SNX8: variants seen among roughly 807,000 people sequenced by gnomAD.
SNX8 encodes sorting nexin 8.
Under a neutral mutation model 51.6 loss-of-function variants are expected in SNX8, and 25 were observed. The observed-to-expected ratio is 0.48, with a 90% CI of 0.35 to 0.68. SNX8 has a LOEUF of 0.68. Among genes scored for constraint, SNX8 ranks in the 30% least tolerant of loss-of-function variants. The probability of loss-of-function intolerance (pLI) is 0.00; values close to 1 mark genes in which losing one functional copy is unlikely to be tolerated. For missense variants in SNX8, 695 were observed against 624.0 expected, an observed-to-expected ratio of 1.11 and a Z score of -1.21; for synonymous variants, 324 against 277.0, an observed-to-expected ratio of 1.17 and a Z score of -1.68.
At chr7:2,346,583 T>C (rs1022760061) in intron 1 of SNX8, among the ~76,000 whole-genome samples, 1 of 150,388 alleles carries the variant, frequency 6.6e-6, no homozygotes, top group African/African-American at 2.4e-5. Flanking sequence ...CCGTCTCTAC[T>C]AAAATACAAA....
At chr7:2,350,923 C>T (rs114815129) in intron 1 of SNX8, among the ~76,000 whole-genome samples, 5,518 of 152,154 alleles carry the variant, frequency 0.036, 334 homozygotes, top group African/African-American at 0.13. Flanking sequence ...CTGGGATTAC[C>T]GGTGGGAGCC....
chr7:2,263,238 C>A lies in SNX8; in HGVS notation c.907G>T (p.Ala303Ser). 1 of 1,613,856 alleles carries A rather than the reference C, an allele frequency of 6.2e-7. No homozygotes were observed. The highest frequency in any genetic ancestry group is 8.5e-7 in the Non-Finnish European group (1 of 1,179,978). The change falls in exon 7 of 11, where the codon GCA (alanine) becomes TCA (serine). Residue 303 changes from alanine (A) to serine (S), a missense_variant. By Grantham distance (99) the Ala-to-Ser change is moderately conservative. Transcript: ENST00000222990. ...AGAACCGATCCACTCACCTGTTGTG[C>A]AGCCTTGTCGGCGAGCAGCGCGAAT... is the stretch of plus-strand genomic sequence containing the variant. ...VEFALLADKA[A>S]QQGKQEENDV...
At chr7:2,318,157 C>A (rs1221175490), upstream of SNX8, among the ~76,000 whole-genome samples, 1 of 152,110 alleles carries the variant, frequency 6.6e-6, no homozygotes, top group Non-Finnish European at 1.5e-5. Flanking sequence ...TCAGTCCTCC[C>A]ACCTCAGCCT....
chr7:2,255,779 C>T (rs1006751072), intron 10 of SNX8, among the ~76,000 whole-genome samples: 4 of 152,218 alleles, frequency 2.6e-5, no homozygotes, highest in African/African-American at 9.6e-5. Flanking sequence ...GGAATGCAAA[C>T]GGCGGCCCCA....
intron 5 of SNX8, among the ~76,000 whole-genome samples, chr7:2,267,893 A>G (rs1795512094): frequency 1.0e-5 from 1 of 99,652 alleles, no homozygotes; most frequent in Non-Finnish European, 2.0e-5. Context: ...CCGCCATCAC[A>G]TCTAGGAAGT....
intron 1 of SNX8, among the ~76,000 whole-genome samples, chr7:2,282,102 G>T (rs1254800562): frequency 6.6e-6 from 1 of 152,202 alleles, no homozygotes; most frequent in African/African-American, 2.4e-5. Context: ...CAGTGAGGTG[G>T]GAGAGCTGAA....
chr7:2,271,897 A>T lies in SNX8; in HGVS notation c.493T>A (p.Phe165Ile). 1 of 1,613,824 alleles carries T rather than the reference A, an allele frequency of 6.2e-7. No individual in the cohort carries two copies. The highest frequency in any genetic ancestry group is 8.5e-7 in the Non-Finnish European group (1 of 1,179,932). Residue 165 changes from phenylalanine (F) to isoleucine (I), a missense_variant, in exon 4 of 11, where the codon TTC becomes ATC. Phe to Ile is a conservative substitution (Grantham distance 21). Coordinates refer to ENST00000222990, the MANE Select transcript of SNX8 (RefSeq NM_013321.4). Reference sequence around the variant, plus strand: ...AGCTTGAGGACCACATCCTCGGAGAACAGGGGGTGTCGCGCCACCAGGTTG... The same window carrying T: ...AGCTTGAGGACCACATCCTCGGAGATCAGGGGGTGTCGCGCCACCAGGTTG... ...FVNLVARHPL[F>I]SEDVVLKLFL... is the part of the protein sequence containing the mutation.
intron 5 of SNX8, among the ~76,000 whole-genome samples, chr7:2,266,441 G>A (rs1264345952): frequency 1.3e-5 from 2 of 152,110 alleles, no homozygotes; most frequent in South Asian, 2.1e-4. Context: ...CTTCCTCCTA[G>A]GTTCAAGCAA....
At chr7:2,314,524 TC>T (rs1428725473), upstream of SNX8, 18 of 977,986 alleles carry the variant, frequency 1.8e-5, no homozygotes, top group East Asian at 1.2e-4. Flanking sequence ...TCACGCCCCC[TC>T]CCCCGCGCGC....
At chr7:2,307,495 G>A (rs572418407) in intron 1 of SNX8, among the ~76,000 whole-genome samples, 10 of 151,992 alleles carry the variant, frequency 6.6e-5, no homozygotes, top group East Asian at 5.8e-4. Flanking sequence ...AGCCAGGTGC[G>A]GTGGTGGACA....
upstream of SNX8, among the ~76,000 whole-genome samples, chr7:2,316,138 CGCAA>C (rs1796752384): frequency 3.4e-5 from 5 of 146,156 alleles, no homozygotes; most frequent in South Asian, 2.3e-4. Context: ...CTTTCATTCA[CGCAA>C]CCACTCACTC....
chr7:2,346,700 T>G (rs554321627), intron 1 of SNX8, among the ~76,000 whole-genome samples: 2 of 130,440 alleles, frequency 1.5e-5, no homozygotes, highest in Admixed American at 1.9e-4. Context: ...GAGCTGAGAT[T>G]GCGCCACTGC....
At chr7:2,336,848 A>C (rs1778839350) in intron 1 of SNX8, among the ~76,000 whole-genome samples, 1 of 151,524 alleles carries the variant, frequency 6.6e-6, no homozygotes, top group Non-Finnish European at 1.5e-5. Context: ...CTCTACTAAA[A>C]AAACAAAAAA....
intron 1 of SNX8, among the ~76,000 whole-genome samples, chr7:2,324,350 G>A (rs1346759890): frequency 2.0e-5 from 3 of 150,728 alleles, no homozygotes; most frequent in African/African-American, 7.3e-5. Flanking sequence ...GAGTGCAGTG[G>A]TGTGATCTTG....
chr7:2,298,931 G>A (rs138574180), intron 1 of SNX8, among the ~76,000 whole-genome samples: 97 of 152,256 alleles, frequency 6.4e-4, no homozygotes, highest in African/African-American at 2.3e-3. Flanking sequence ...GACCTCAAGT[G>A]ATCCTCCCAC....
At chr7:2,270,314 C>CAAAAAAAAAAAAAAAA (rs57983721) in intron 4 of SNX8, among the ~76,000 whole-genome samples, 1 of 57,086 alleles carries the variant, frequency 1.8e-5, no homozygotes, top group African/African-American at 7.8e-5. Flanking sequence ...TCTCATTTTA[C>CAAAAAAAAAAAAAAAA]AAAAAAAAAA....
At chr7:2,306,149 G>T (rs561945208) in intron 1 of SNX8, among the ~76,000 whole-genome samples, 19 of 151,730 alleles carry the variant, frequency 1.3e-4, no homozygotes, top group African/African-American at 4.6e-4. Flanking sequence ...TTTTTTGTTT[G>T]TTTTTTGTTT....
rs145490396 is a variant in SNX8, at chr7:2,290,834, C to T, written c.95-12529G>A. ...GCAGAGAATCTTCCCTCCTCCACCA[C>T]GGCCTCTCTGCCAATTCTCAGCTAC... On this transcript the variant is annotated intron_variant, in intron 1 of 10. Coordinates refer to ENST00000222990, the MANE Select transcript of SNX8 (RefSeq NM_013321.4). Among the ~76,000 whole-genome samples, 1,113 of 152,326 alleles carry T rather than the reference C, an allele frequency of 7.3e-3. 11 individuals are homozygous for T. The highest frequency in any genetic ancestry group is 0.043 in the South Asian group (208 of 4,832).
At chr7:2,265,681 T>C (rs1168884437) in intron 5 of SNX8, among the ~76,000 whole-genome samples, 1 of 152,104 alleles carries the variant, frequency 6.6e-6, no homozygotes, top group Admixed American at 6.6e-5. Flanking sequence ...TTAAACACAA[T>C]GAACATAAAT....
Sources: allele counts gnomAD v4.1 joint callset (sites outside exome capture counted in the v4.1 genomes callset), GRCh38; gene constraint gnomAD v4.1.1; transcripts MANE v1.5; gene names NCBI Gene and HGNC (gene_info 2026-07-23, HGNC 2026-07-21).